The following ZNF407 variants were observed in gnomAD, a reference collection of about 807,000 sequenced individuals.
ZNF407 encodes the protein zinc finger protein 407.
In ZNF407, 17 loss-of-function variants were observed where a neutral mutation model predicts 131.2. That is an observed-to-expected ratio of 0.13 (90% confidence interval 0.09 to 0.19). The LOEUF (loss-of-function observed/expected upper bound fraction) is 0.19, where lower values mean the gene tolerates loss of function less well. Ranked by LOEUF, ZNF407 falls within the 10% of genes least tolerant of loss-of-function variation. The probability of loss-of-function intolerance (pLI) is 1.00; values close to 1 mark genes in which losing one functional copy is unlikely to be tolerated. For missense variants in ZNF407, 2,681 were observed against 2,830.6 expected, an observed-to-expected ratio of 0.95 and a Z score of 1.20; for synonymous variants, 1,156 against 1,062.0, an observed-to-expected ratio of 1.09 and a Z score of -1.72.
chr18:75,028,411 C>G (rs1171775670), intron 8 of ZNF407, among the ~76,000 whole-genome samples: 2 of 152,048 alleles, frequency 1.3e-5, no homozygotes, highest in Non-Finnish European at 2.9e-5. Context: ...TGGTCACATT[C>G]GATTAGGGCC....
intron 4 of ZNF407, among the ~76,000 whole-genome samples, chr18:74,785,372 G>A (rs923435695): frequency 4.6e-5 from 7 of 152,202 alleles, no homozygotes; most frequent in Admixed American, 2.0e-4. Context: ...TGAAATTTGT[G>A]CTGGCCTCTC....
At chr18:74,816,992 T>C (rs1175886844) in intron 4 of ZNF407, among the ~76,000 whole-genome samples, 3 of 152,190 alleles carry the variant, frequency 2.0e-5, no homozygotes, top group African/African-American at 7.2e-5. Context: ...CTTGTTGTTA[T>C]TTTATGTTAA....
chr18:74,913,103 C>T (rs994179936), intron 7 of ZNF407, among the ~76,000 whole-genome samples: 3 of 152,162 alleles, frequency 2.0e-5, no homozygotes, highest in Non-Finnish European at 4.4e-5. Flanking sequence ...GGCTCTGAAA[C>T]ATTGTTAGTG....
At chr18:74,669,407 C>T (rs978337880) in intron 3 of ZNF407, among the ~76,000 whole-genome samples, 2 of 152,216 alleles carry the variant, frequency 1.3e-5, no homozygotes, top group African/African-American at 2.4e-5. Context: ...TATGGATCCA[C>T]TACCAGCGGT....
chr18:74,917,323 A>G (rs774953504), intron 7 of ZNF407, among the ~76,000 whole-genome samples: 1 of 152,196 alleles, frequency 6.6e-6, no homozygotes, highest in African/African-American at 2.4e-5. Context: ...TTACAAATAT[A>G]CATACACATA....
At chr18:74,670,059 T>G (rs1404574931) in intron 3 of ZNF407, among the ~76,000 whole-genome samples, 3 of 152,220 alleles carry the variant, frequency 2.0e-5, no homozygotes, top group Admixed American at 6.5e-5. Flanking sequence ...ACATGTAGTC[T>G]TTATTCTGTC....
intron 8 of ZNF407, among the ~76,000 whole-genome samples, chr18:74,926,107 T>G (rs1296150491): frequency 6.6e-6 from 1 of 152,224 alleles, no homozygotes; most frequent in African/African-American, 2.4e-5. Context: ...TAAGTGCTGC[T>G]AAATGTCTTT....
Position 75,063,526 on chromosome 18 carries a change from T to G in ZNF407, c.5805T>G (p.Ala1935=). ...VPGPILPEQL[A]DGATQVVVVG... Reference sequence around the variant, plus strand: ...GACCCATCCTCCCCGAGCAGCTGGCTGATGGAGCCACCCAGGTGGTCGTCG... The same window carrying G: ...GACCCATCCTCCCCGAGCAGCTGGCGGATGGAGCCACCCAGGTGGTCGTCG... The change falls in exon 9 of 9, where the codon GCT becomes GCG. Residue 1935 remains alanine (A), a synonymous_variant. Coordinates refer to ENST00000299687, the MANE Select transcript of ZNF407 (RefSeq NM_017757.3). This position sits in a 1 kb window ranked among gnomAD's most constrained non-coding sequence, Gnocchi z 6.6. The G allele has an allele frequency of 6.3e-7, 1 of 1,578,014 alleles. No individual in the cohort carries two copies.
chr18:74,872,263 G>A (rs535745381), intron 4 of ZNF407, among the ~76,000 whole-genome samples: 1 of 140,302 alleles, frequency 7.1e-6, no homozygotes, highest in East Asian at 2.1e-4. Flanking sequence ...TGTTTATTTT[G>A]TTGCAACATT....
rs569916813 is a variant in ZNF407 at position 74,626,848 on chromosome 18, T to C, written c.-53-4119T>C. Among the ~76,000 whole-genome samples, 13 of 152,274 alleles carry C rather than the reference T, an allele frequency of 8.5e-5. No individual in the cohort carries two copies. The East Asian group carries it at 1.5e-3, about 18-fold the overall frequency. Reference sequence around the variant, plus strand: ...ACTATCGTGGAAGAATTCTGAATAGTGGTTGCTGTGGTGGAGGGACCAGCT... The same window carrying C: ...ACTATCGTGGAAGAATTCTGAATAGCGGTTGCTGTGGTGGAGGGACCAGCT... On this transcript the variant is annotated intron_variant, in intron 1 of 8. Coordinates refer to ENST00000299687, the MANE Select transcript of ZNF407 (RefSeq NM_017757.3).
At chr18:74,764,268 T>A (rs1349996038) in intron 3 of ZNF407, among the ~76,000 whole-genome samples, 1 of 152,212 alleles carries the variant, frequency 6.6e-6, no homozygotes, top group Non-Finnish European at 1.5e-5. Flanking sequence ...TTTTCATTTT[T>A]AAAAACCTAT....
chr18:74,778,365 C>A (rs978289662), intron 3 of ZNF407, among the ~76,000 whole-genome samples: 1 of 152,198 alleles, frequency 6.6e-6, no homozygotes, highest in East Asian at 1.9e-4. Context: ...CCTCTTTACT[C>A]ATAGGTCTCA....
chr18:74,964,450 T>G (rs972261954), intron 8 of ZNF407, among the ~76,000 whole-genome samples: 1 of 152,202 alleles, frequency 6.6e-6, no homozygotes, highest in Non-Finnish European at 1.5e-5. Context: ...CAAAAGCACT[T>G]TTTTTGTTTG....
chr18:74,812,700 C>G (rs1184787803), intron 4 of ZNF407, among the ~76,000 whole-genome samples: 1 of 152,064 alleles, frequency 6.6e-6, no homozygotes, highest in Non-Finnish European at 1.5e-5. Flanking sequence ...TCTGCCTCAC[C>G]CTGTTCTTCT....
At chr18:74,643,715 A>AT (rs1171481211) in intron 3 of ZNF407, among the ~76,000 whole-genome samples, 4 of 152,072 alleles carry the variant, frequency 2.6e-5, no homozygotes, top group Admixed American at 2.6e-4. Flanking sequence ...ATTATTTGTA[A>AT]TTTACCTCTT....
intron 8 of ZNF407, among the ~76,000 whole-genome samples, chr18:75,013,019 C>A (rs1244723156): frequency 6.6e-6 from 1 of 150,596 alleles, no homozygotes; most frequent in East Asian, 2.0e-4. Flanking sequence ...ACGTAGAACA[C>A]CTAATTGTAT....
At chr18:74,909,679 T>C (rs1971642873) in intron 7 of ZNF407, among the ~76,000 whole-genome samples, 1 of 152,194 alleles carries the variant, frequency 6.6e-6, no homozygotes, top group Non-Finnish European at 1.5e-5. Context: ...ACGGTTTTTC[T>C]TAACATCTTT....
At chr18:75,010,305 C>T (rs753588609) in intron 8 of ZNF407, among the ~76,000 whole-genome samples, 3 of 152,036 alleles carry the variant, frequency 2.0e-5, no homozygotes, top group Non-Finnish European at 4.4e-5. Context: ...CTGGCCAGGT[C>T]GAGTGTGGGA....
At chr18:74,883,703 C>T (rs1393003949) in intron 6 of ZNF407, among the ~76,000 whole-genome samples, 1 of 152,188 alleles carries the variant, frequency 6.6e-6, no homozygotes, top group African/African-American at 2.4e-5. Flanking sequence ...ACGCGGTCAG[C>T]CCGTCTGACG....
Sources: allele counts gnomAD v4.1 joint callset (sites outside exome capture counted in the v4.1 genomes callset), GRCh38; gene constraint gnomAD v4.1.1; non-coding constraint Gnocchi (gnomAD v3.1); transcripts MANE v1.5; gene names NCBI Gene and HGNC (gene_info 2026-07-23, HGNC 2026-07-21).